The following DACH2 variants were observed in gnomAD, a reference collection of about 807,000 sequenced individuals.
DACH2 encodes dachshund homolog 2.
In DACH2, 17 loss-of-function variants were observed where a neutral mutation model predicts 35.8. The observed-to-expected ratio is 0.48, with a 90% CI of 0.33 to 0.71. The LOEUF (loss-of-function observed/expected upper bound fraction) is 0.71. Ranked by LOEUF, DACH2 falls within the 30% of genes least tolerant of loss-of-function variation. DACH2 has a pLI of 0.02. For synonymous variants in DACH2, 195 were observed against 177.3 expected (o/e 1.10, Z -0.79); for missense variants, 469 against 472.7 (o/e 0.99, Z 0.07).
chrX:86,545,925 T>G (rs921977947), intron 3 of DACH2, among the ~76,000 whole-genome samples: 1 of 111,905 alleles, frequency 8.9e-6, no homozygotes, highest in African/African-American at 3.2e-5. Flanking sequence ...TTCTAAACTT[T>G]GTTATTAAAT....
At chrX:86,516,027 C>G (rs969856789) in intron 3 of DACH2, among the ~76,000 whole-genome samples, 1 of 111,921 alleles carries the variant, frequency 8.9e-6, no homozygotes, top group African/African-American at 3.3e-5. Context: ...TCACGTCTAG[C>G]TTGGGTGATA....
At chrX:86,207,914 T>C (rs1218019401) in intron 1 of DACH2, among the ~76,000 whole-genome samples, 1 of 111,693 alleles carries the variant, frequency 9.0e-6, no homozygotes, top group Non-Finnish European at 1.9e-5. Context: ...TATACTATAA[T>C]ACTTATTTCA....
intron 1 of DACH2, among the ~76,000 whole-genome samples, chrX:86,298,424 A>T (rs764493698): frequency 1.4e-3 from 151 of 111,811 alleles, no homozygotes; most frequent in African/African-American, 4.7e-3. Context: ...TACAAGAAAC[A>T]CTCTTAATTC....
At chrX:86,162,165 G>T (rs1285984690) in intron 1 of DACH2, among the ~76,000 whole-genome samples, 4 of 109,501 alleles carry the variant, frequency 3.7e-5, no homozygotes, top group African/African-American at 1.3e-4. Flanking sequence ...TTTTTTTGAG[G>T]TCTTTCTCTA....
chrX:86,368,638 C>G (rs2035840726), intron 1 of DACH2, among the ~76,000 whole-genome samples: 2 of 106,129 alleles, frequency 1.9e-5, no homozygotes, highest in African/African-American at 6.9e-5. Flanking sequence ...TCATAGCTCA[C>G]TGCAGGTTGA....
At chrX:86,645,330 T>C (rs1453376017) in intron 3 of DACH2, among the ~76,000 whole-genome samples, 5 of 110,990 alleles carry the variant, frequency 4.5e-5, no homozygotes, top group African/African-American at 1.3e-4. Flanking sequence ...ATATCACTGA[T>C]CATTATAAAA....
chrX:86,548,809 G>C (rs1439829588), intron 3 of DACH2, among the ~76,000 whole-genome samples: 1 of 112,088 alleles, frequency 8.9e-6, no homozygotes, highest in Non-Finnish European at 1.9e-5. Flanking sequence ...CAAATAATTT[G>C]TATAACATGT....
chrX:86,694,225 A>T (rs917090612), intron 4 of DACH2, among the ~76,000 whole-genome samples: 2 of 112,087 alleles, frequency 1.8e-5, no homozygotes, highest in African/African-American at 6.5e-5. Context: ...TTCTAAAGCC[A>T]GACTATGTGC....
intron 7 of DACH2, among the ~76,000 whole-genome samples, chrX:86,808,840 A>T (rs2042369589): frequency 9.0e-6 from 1 of 111,187 alleles, no homozygotes; most frequent in Admixed American, 9.6e-5. Context: ...GAGGAGACAC[A>T]CTCCATGCAA....
At chrX:86,156,745 C>A (rs1268724902) in intron 1 of DACH2, among the ~76,000 whole-genome samples, 2 of 110,962 alleles carry the variant, frequency 1.8e-5, no homozygotes, top group Non-Finnish European at 3.8e-5. Flanking sequence ...GAACACTAAC[C>A]CTTGTGGCAG....
intron 1 of DACH2, among the ~76,000 whole-genome samples, chrX:86,192,403 C>T (rs1465614270): frequency 8.9e-6 from 1 of 112,026 alleles, no homozygotes; most frequent in Non-Finnish European, 1.9e-5. Flanking sequence ...AATATTAAAT[C>T]ATGCAAATAG....
intron 2 of DACH2, among the ~76,000 whole-genome samples, chrX:86,483,605 A>G (rs2037976203): frequency 9.0e-6 from 1 of 110,856 alleles, no homozygotes; most frequent in Non-Finnish European, 1.9e-5. Flanking sequence ...CTGAGGCTCA[A>G]GTGATCCACT....
chrX:86,502,194 C>T (rs181629535), intron 2 of DACH2, among the ~76,000 whole-genome samples: 1 of 111,523 alleles, frequency 9.0e-6, no homozygotes, highest in African/African-American at 3.3e-5. Flanking sequence ...TAATGGTTTA[C>T]AACAGGTAGA....
At chrX:86,326,352 A>G (rs1049122636) in intron 1 of DACH2, among the ~76,000 whole-genome samples, 4 of 109,300 alleles carry the variant, frequency 3.7e-5, no homozygotes, top group African/African-American at 1.3e-4. Flanking sequence ...CTGTAATTTC[A>G]GCTACTTGGA....
At chrX:86,228,137 T>A (rs919919871) in intron 1 of DACH2, among the ~76,000 whole-genome samples, 1 of 109,234 alleles carries the variant, frequency 9.2e-6, no homozygotes, top group African/African-American at 3.3e-5. Flanking sequence ...TACCCCCAAG[T>A]CTCCAAAGTC....
intron 3 of DACH2, among the ~76,000 whole-genome samples, chrX:86,633,536 G>A (rs995529925): frequency 9.0e-6 from 1 of 111,404 alleles, no homozygotes; most frequent in Non-Finnish European, 1.9e-5. Flanking sequence ...ATGCATAGAA[G>A]AACTGGTACC....
intron 1 of DACH2, among the ~76,000 whole-genome samples, chrX:86,273,865 A>G: frequency 8.9e-6 from 1 of 112,786 alleles, no homozygotes; most frequent in Middle Eastern, 4.6e-3. Context: ...AGTGGATCAC[A>G]GAAATAATAT....
intron 7 of DACH2, among the ~76,000 whole-genome samples, chrX:86,775,694 C>A (rs1466578902): frequency 9.0e-6 from 1 of 111,575 alleles, no homozygotes; most frequent in East Asian, 2.8e-4. Context: ...AAATTTAATA[C>A]CAATATAAAA....
intron 1 of DACH2, among the ~76,000 whole-genome samples, chrX:86,190,176 AG>A (rs201231323): frequency 1.8e-5 from 2 of 110,095 alleles, no homozygotes; most frequent in African/African-American, 6.6e-5. Context: ...AAAAAAAAAA[AG>A]TAAAATAAAA....
Sources: gnomAD v4.1 joint callset for allele counts (sites outside exome capture counted in the v4.1 genomes callset) on GRCh38, gnomAD v4.1.1 for gene constraint, MANE v1.5 for transcripts, NCBI Gene and HGNC (gene_info 2026-07-23, HGNC 2026-07-21) for gene names.